LYZL1: variants seen among roughly 807,000 people sequenced by gnomAD.
The protein encoded by LYZL1 is lysozyme like 1, also known as lysozyme-like protein 1.
LYZL1 carries 16 observed loss-of-function variants against 17.9 expected under a neutral mutation model. The observed-to-expected ratio is 0.90, with a 90% confidence interval of 0.61 to 1.36. The LOEUF is 1.36. Ranked by LOEUF, LYZL1 falls within the 40% of genes most tolerant of loss-of-function variation. The pLI is 0.00. For missense variants in LYZL1, 149 were observed against 188.4 expected, an observed-to-expected ratio of 0.79 and a Z score of 1.22; for synonymous variants, 58 against 71.8, an observed-to-expected ratio of 0.81 and a Z score of 0.97.
intron 3 of LYZL1, among the ~76,000 whole-genome samples, chr10:29,304,097 C>G (rs1376652097): frequency 1.3e-5 from 2 of 152,194 alleles, no homozygotes; most frequent in Non-Finnish European, 1.5e-5. Flanking sequence ...TCTCCTCACT[C>G]TCATTCCAAA....
chr10:29,307,598 A>G (rs1835613235), intron 3 of LYZL1, among the ~76,000 whole-genome samples: 2 of 152,214 alleles, frequency 1.3e-5, no homozygotes, highest in African/African-American at 4.8e-5. Context: ...GGATATTTTT[A>G]TGATATTGGG....
chr10:29,291,012 G>T lies in LYZL1; in HGVS notation c.-25-831G>T, dbSNP rs1229906516. 2.6e-5 allele frequency among the ~76,000 whole-genome samples: 4 copies of T among 152,192 alleles called. No individual in the cohort carries two copies. In the East Asian group the frequency reaches 5.8e-4, roughly 22 times the overall value. Reference sequence around the variant, plus strand: ...ACAGGCCCACGTGTCTTTCATCTGTGGCTGAAATGGGCTGTCTGTTTCTAC... The same window carrying T: ...ACAGGCCCACGTGTCTTTCATCTGTTGCTGAAATGGGCTGTCTGTTTCTAC... On this transcript the variant is annotated intron_variant, in intron 1 of 4. Coordinates refer to ENST00000649382, the MANE Select transcript of LYZL1 (RefSeq NM_032517.6).
At chr10:29,302,763 G>C (rs193247548) in intron 3 of LYZL1, among the ~76,000 whole-genome samples, 1 of 152,088 alleles carries the variant, frequency 6.6e-6, no homozygotes, top group Non-Finnish European at 1.5e-5. Context: ...CATAGTTGCC[G>C]TACCCCGCGG....
At chr10:29,304,049 C>G (rs2132828828) in intron 3 of LYZL1, among the ~76,000 whole-genome samples, 1 of 152,342 alleles carries the variant, frequency 6.6e-6, no homozygotes, top group East Asian at 1.9e-4. Flanking sequence ...GCGTGAGCCA[C>G]TGCACCTAGC....
chr10:29,309,424 A>G (rs908582429), intron 3 of LYZL1, among the ~76,000 whole-genome samples: 4 of 152,234 alleles, frequency 2.6e-5, no homozygotes, highest in Non-Finnish European at 5.9e-5. Context: ...CAAAGGTTTA[A>G]TATTTACCTC....
At chr10:29,315,204 TA>T (rs1328516787), downstream of LYZL1, among the ~76,000 whole-genome samples, 3 of 152,200 alleles carry the variant, frequency 2.0e-5, no homozygotes, top group African/African-American at 7.2e-5. Flanking sequence ...AAATACACTA[TA>T]TTTTTTTGAT....
At chr10:29,305,217 T>C (rs944288505) in intron 3 of LYZL1, among the ~76,000 whole-genome samples, 1 of 152,174 alleles carries the variant, frequency 6.6e-6, no homozygotes, top group Admixed American at 6.5e-5. Context: ...CGAAATAAAG[T>C]GTCTCTAAGT....
intron 3 of LYZL1, among the ~76,000 whole-genome samples, chr10:29,308,013 C>T (rs997967937): frequency 1.3e-5 from 2 of 152,054 alleles, no homozygotes; most frequent in Non-Finnish European, 2.9e-5. Flanking sequence ...CTCTAAAAAT[C>T]AAAAACAAAA....
At chr10:29,310,877 AC>A in intron 4 of LYZL1, 112 bp from the exon 5 acceptor site, 1 of 1,539,244 alleles carries the variant, frequency 6.5e-7, no homozygotes, top group Middle Eastern at 1.8e-4. Flanking sequence ...AGCAAATGAA[AC>A]CCAACCCAGG....
intron 4 of LYZL1, 44 bp downstream of exon 4, chr10:29,310,232 C>T (rs1217907283): frequency 2.2e-5 from 31 of 1,408,522 alleles, no homozygotes; most frequent in Non-Finnish European, 3.1e-5. Flanking sequence ...ATGGGCAAAA[C>T]CTAGTGTGTG....
At chr10:29,297,127 C>T (rs1036573065) in intron 3 of LYZL1, among the ~76,000 whole-genome samples, 6 of 140,824 alleles carry the variant, frequency 4.3e-5, no homozygotes, top group African/African-American at 1.3e-4. Flanking sequence ...TTCAGATAAC[C>T]AAATAAAGAA....
rs1835374272 is a variant in LYZL1, at chr10:29,291,989, G to A, written c.122G>A (p.Gly41Asp). 2.0e-6 allele frequency: 3 copies of A among 1,463,730 alleles called. 1 individual carries two copies. The highest frequency in any genetic ancestry group is 2.8e-6 in the Non-Finnish European group (3 of 1,065,350). 90.7% of individuals were successfully genotyped at this position (1,463,730 alleles called of 1,614,324 possible). A position where few individuals can be genotyped will look rare whatever the true frequency, so the allele number is the denominator to read the frequency against. ...FSRAGLDNYWGFSLGNWICMA... is the reference protein window; with the variant it reads ...FSRAGLDNYWDFSLGNWICMA... Reference sequence around the variant, plus strand: ...AGGGCTGGCCTGGACAATTACTGGGGCTTCAGCCTTGGAAACTGTGAGACT... The same window carrying A: ...AGGGCTGGCCTGGACAATTACTGGGACTTCAGCCTTGGAAACTGTGAGACT... The change falls in exon 2 of 5, where the codon GGC becomes GAC. Residue 41 changes from glycine to aspartate, a missense_variant. Coordinates refer to ENST00000649382, the MANE Select transcript of LYZL1 (RefSeq NM_032517.6).
At position 29,310,106 on chromosome 10, in the gene LYZL1, A is replaced by G; in HGVS notation, c.299-4A>G. The G allele has an allele frequency of 6.2e-7, 1 of 1,607,300 alleles. No homozygotes were observed. Among genetic ancestry groups the G allele is most frequent in the Non-Finnish European group, 8.5e-7 (1 of 1,174,348 alleles). ...CTAACCCTGATGTCTTCTCTCTTTT[A>G]CAGCCTTGATCACTGATGACCTCAC... On this transcript the variant is annotated splice_region_variant and splice_polypyrimidine_tract_variant and intron_variant, in intron 3 of 4. Coordinates refer to ENST00000649382, the MANE Select transcript of LYZL1 (RefSeq NM_032517.6).
At chr10:29,310,003 C>T in intron 3 of LYZL1, 107 bp from the exon 4 acceptor site, 4 of 742,924 alleles carry the variant, frequency 5.4e-6, no homozygotes, top group Non-Finnish European at 8.8e-6. Context: ...ATAGTTCTTC[C>T]AACCCTCTTG....
At chr10:29,290,377 G>A (rs1360233188) in intron 1 of LYZL1, among the ~76,000 whole-genome samples, 6 of 152,100 alleles carry the variant, frequency 3.9e-5, no homozygotes, top group Admixed American at 6.5e-5. Flanking sequence ...AGATGATTCC[G>A]CAGGGGTCTC....
chr10:29,302,755 T>C (rs993078820), intron 3 of LYZL1, among the ~76,000 whole-genome samples: 5 of 152,194 alleles, frequency 3.3e-5, no homozygotes, highest in Non-Finnish European at 5.9e-5. Context: ...CCAGTCACCA[T>C]AGTTGCCGTA....
intron 3 of LYZL1, among the ~76,000 whole-genome samples, chr10:29,293,265 A>G (rs1207096951): frequency 2.0e-5 from 3 of 150,754 alleles, no homozygotes; most frequent in African/African-American, 7.3e-5. Context: ...AGCTAGAACT[A>G]TAGGCACACG....
At chr10:29,306,538 A>C (rs1314890745) in intron 3 of LYZL1, among the ~76,000 whole-genome samples, 4 of 106,968 alleles carry the variant, frequency 3.7e-5, no homozygotes, top group Non-Finnish European at 7.4e-5. Context: ...CGACAGAGCG[A>C]GACTCCGTCT....
chr10:29,317,514 C>T (rs1435049519), intron 4 of LYZL1: 1 of 152,232 alleles, frequency 6.6e-6, no homozygotes, highest in Non-Finnish European at 1.5e-5. Flanking sequence ...ATTACCTTAG[C>T]TCCAGGTCTT....
Sources: allele counts gnomAD v4.1 joint callset (sites outside exome capture counted in the v4.1 genomes callset), GRCh38; gene constraint gnomAD v4.1.1; transcripts MANE v1.5; gene names NCBI Gene and HGNC (gene_info 2026-07-23, HGNC 2026-07-21).